Variants in HS6ST3 observed in about 807,000 individuals in gnomAD.
HS6ST3 encodes heparan-sulfate 6-O-sulfotransferase 3.
HS6ST3 carries 12 observed loss-of-function variants against 36.7 expected under a neutral mutation model. That is an observed-to-expected ratio of 0.33 (90% CI 0.21 to 0.53). The LOEUF (loss-of-function observed/expected upper bound fraction) is 0.53. Among genes scored for constraint, HS6ST3 ranks in the 20% least tolerant of loss-of-function variants. HS6ST3 has a pLI of 0.95. For missense variants in HS6ST3, 584 were observed against 640.9 expected, an observed-to-expected ratio of 0.91 and a Z score of 0.96; for synonymous variants, 240 against 257.5, an observed-to-expected ratio of 0.93 and a Z score of 0.65.
intron 1 of HS6ST3, among the ~76,000 whole-genome samples, chr13:96,380,584 T>C (rs1173671974): frequency 6.6e-6 from 1 of 152,164 alleles, no homozygotes; most frequent in Non-Finnish European, 1.5e-5. Context: ...TTTGTTAAGA[T>C]GACAAGTTCT....
At chr13:96,597,534 AT>A (rs898882330) in intron 1 of HS6ST3, among the ~76,000 whole-genome samples, 3 of 151,272 alleles carry the variant, frequency 2.0e-5, no homozygotes, top group Non-Finnish European at 3.0e-5. Context: ...TATTGAGATT[AT>A]TTATTTTTTT....
At chr13:96,723,584 C>G (rs984552404) in intron 1 of HS6ST3, among the ~76,000 whole-genome samples, 1 of 152,218 alleles carries the variant, frequency 6.6e-6, no homozygotes, top group African/African-American at 2.4e-5. Context: ...TTCTCATAAT[C>G]TGCTTTTCAT....
intron 1 of HS6ST3, among the ~76,000 whole-genome samples, chr13:96,718,718 C>T (rs1261999909): frequency 6.6e-6 from 1 of 152,108 alleles, no homozygotes; most frequent in Non-Finnish European, 1.5e-5. Flanking sequence ...TACTACTGGG[C>T]ACAGAAGAGG....
At chr13:96,259,736 TC>T (rs2054654937) in intron 1 of HS6ST3, among the ~76,000 whole-genome samples, 1 of 152,182 alleles carries the variant, frequency 6.6e-6, no homozygotes, top group Non-Finnish European at 1.5e-5. Context: ...TTTGGATTTT[TC>T]TATCCATTTT....
At chr13:96,449,542 A>T (rs753085939) in intron 1 of HS6ST3, among the ~76,000 whole-genome samples, 1 of 152,324 alleles carries the variant, frequency 6.6e-6, no homozygotes, top group African/African-American at 2.4e-5. Flanking sequence ...TACCAAGCAG[A>T]TCTCTTTATA....
Position 96,621,284 on chromosome 13 carries a change from G to A in HS6ST3, c.708-211206G>A, listed in dbSNP as rs578179432. Among the ~76,000 whole-genome samples the A allele has an allele frequency of 2.6e-5, 4 of 152,262 alleles. No homozygotes were observed. The South Asian group carries it at 8.3e-4, about 32-fold the overall frequency. ...CCAGGTGTCGAGGGAGGGACCTTGT[G>A]GGAAGTGATTGGATCATGGGGGCAG... is the stretch of plus-strand genomic sequence containing the variant. On this transcript the variant is annotated intron_variant, in intron 1 of 1. Transcript: ENST00000376705.
chr13:96,422,387 A>G (rs1222230881), intron 1 of HS6ST3, among the ~76,000 whole-genome samples: 1 of 152,232 alleles, frequency 6.6e-6, no homozygotes, highest in Non-Finnish European at 1.5e-5. Flanking sequence ...GAGTTCTCCA[A>G]GAGGTGTTCT....
At chr13:96,388,990 C>T (rs539996240) in intron 1 of HS6ST3, among the ~76,000 whole-genome samples, 1 of 152,276 alleles carries the variant, frequency 6.6e-6, no homozygotes, top group East Asian at 1.9e-4. Context: ...CTACTTTTGG[C>T]TACATCCTTA....
At chr13:96,767,024 A>G (rs1877134290) in intron 1 of HS6ST3, among the ~76,000 whole-genome samples, 1 of 152,216 alleles carries the variant, frequency 6.6e-6, no homozygotes, top group African/African-American at 2.4e-5. Flanking sequence ...TTTTCAGCCT[A>G]TTCATCAAAG....
intron 1 of HS6ST3, among the ~76,000 whole-genome samples, chr13:96,576,721 C>T (rs1487906541): frequency 6.6e-6 from 1 of 152,026 alleles, no homozygotes; most frequent in East Asian, 1.9e-4. Context: ...GCAGGCAGAT[C>T]ACCTGAGGTC....
chr13:96,359,075 G>A (rs1389476219), intron 1 of HS6ST3, among the ~76,000 whole-genome samples: 2 of 152,164 alleles, frequency 1.3e-5, no homozygotes, highest in African/African-American at 4.8e-5. Flanking sequence ...ACTCTTTCCA[G>A]TGGATGCTTT....
intron 1 of HS6ST3, among the ~76,000 whole-genome samples, chr13:96,709,763 G>C (rs1407132369): frequency 1.3e-5 from 2 of 152,196 alleles, no homozygotes; most frequent in East Asian, 3.9e-4. Flanking sequence ...GGCTGTGGTA[G>C]TTTGTTACAG....
Position 96,321,996 on chromosome 13 carries a change from T to C in HS6ST3, c.707+230427T>C, listed in dbSNP as rs2055005151. ...GCTGGTGACTTTATTCTGACTTCAC[T>C]GAAAAAAAAAAATGGAACTCATCAG... On this transcript the variant is annotated intron_variant, in intron 1 of 1. Coordinates refer to ENST00000376705, the MANE Select transcript of HS6ST3 (RefSeq NM_153456.4). Among the ~76,000 whole-genome samples the C allele has an allele frequency of 2.1e-5, 3 of 145,802 alleles. No individual in the cohort carries two copies. The South Asian group carries it at 6.4e-4, about 31-fold the overall frequency.
chr13:96,393,707 A>T (rs1468340184), intron 1 of HS6ST3, among the ~76,000 whole-genome samples: 1 of 152,206 alleles, frequency 6.6e-6, no homozygotes, highest in Non-Finnish European at 1.5e-5. Flanking sequence ...TTTGTTTTGG[A>T]AAAAGAACTC....
At chr13:96,276,696 T>G (rs2054750156) in intron 1 of HS6ST3, among the ~76,000 whole-genome samples, 1 of 152,188 alleles carries the variant, frequency 6.6e-6, no homozygotes. Flanking sequence ...TCCTAGAGAA[T>G]TCTTTGCTGG....
At chr13:96,245,463 A>G (rs1303008133) in intron 1 of HS6ST3, among the ~76,000 whole-genome samples, 2 of 152,164 alleles carry the variant, frequency 1.3e-5, no homozygotes, top group Non-Finnish European at 2.9e-5. Flanking sequence ...CGGCCCATTC[A>G]TGGTGTCTAC....
chr13:96,285,203 GA>G (rs1409292919), intron 1 of HS6ST3, among the ~76,000 whole-genome samples: 1 of 151,988 alleles, frequency 6.6e-6, no homozygotes, highest in Non-Finnish European at 1.5e-5. Flanking sequence ...TGATTCAGCT[GA>G]AAGATCTACA....
At chr13:96,332,466 T>C (rs1197882585) in intron 1 of HS6ST3, among the ~76,000 whole-genome samples, 1 of 152,200 alleles carries the variant, frequency 6.6e-6, no homozygotes, top group African/African-American at 2.4e-5. Flanking sequence ...TGAAAATCTT[T>C]GTGGAGCCTG....
intron 1 of HS6ST3, among the ~76,000 whole-genome samples, chr13:96,115,747 T>A (rs2053891049): frequency 6.6e-6 from 1 of 152,234 alleles, no homozygotes; most frequent in African/African-American, 2.4e-5. Context: ...TTATATTCCT[T>A]TGGGTATATA....
Sources: allele counts gnomAD v4.1 joint callset (sites outside exome capture counted in the v4.1 genomes callset), GRCh38; gene constraint gnomAD v4.1.1; transcripts MANE v1.5; gene names NCBI Gene and HGNC (gene_info 2026-07-23, HGNC 2026-07-21).